Variants in MTNR1A observed in about 807,000 individuals in gnomAD.
The protein encoded by MTNR1A is melatonin receptor type 1A.
MTNR1A carries 7 observed loss-of-function variants against 5.5 expected under a neutral mutation model. The ratio of observed to expected loss-of-function variants is 1.28; its 90% CI spans 0.73 to 2.40. The LOEUF is 2.40. MTNR1A is among the 30% of genes most tolerant of loss of function. The pLI is 0.00. For missense variants in MTNR1A, 441 were observed against 464.4 expected (o/e 0.95, Z 0.46); for synonymous variants, 196 against 202.7 (o/e 0.97, Z 0.28).
At chr4:186,547,984 G>C (rs1422786060) in intron 1 of MTNR1A, among the ~76,000 whole-genome samples, 4 of 152,144 alleles carry the variant, frequency 2.6e-5, no homozygotes, top group African/African-American at 4.8e-5. Flanking sequence ...AGCCTGACTG[G>C]TTCAGCCTTT....
rs148793802 is a variant in MTNR1A at position 186,533,946 on chromosome 4, C to A, written c.796G>T (p.Ala266Ser). 3 of 1,613,996 alleles carry A rather than the reference C, an allele frequency of 1.9e-6. No individual in the cohort carries two copies. The highest frequency in any genetic ancestry group is 2.5e-6 in the Non-Finnish European group (3 of 1,180,030). Reference sequence around the variant, plus strand: ...TCTGGGATCCTAGGCACCATGCTGGCGGGGTCAGAGGCCACGGCCAGGCCA... The same window carrying A: ...TCTGGGATCCTAGGCACCATGCTGGAGGGGTCAGAGGCCACGGCCAGGCCA... Reference protein sequence around the residue: ...FIGLAVASDPASMVPRIPEWL... With the variant: ...FIGLAVASDPSSMVPRIPEWL... The change falls in exon 2 of 2, where the codon GCC becomes TCC. Residue 266 changes from alanine to serine, a missense_variant. By Grantham distance (99) the Ala-to-Ser change is moderately conservative. Coordinates refer to ENST00000307161, the MANE Select transcript of MTNR1A (RefSeq NM_005958.4).
At chr4:186,540,549 C>T (rs1380554156) in intron 1 of MTNR1A, among the ~76,000 whole-genome samples, 3 of 152,254 alleles carry the variant, frequency 2.0e-5, no homozygotes, top group Non-Finnish European at 4.4e-5. Context: ...CCTACTTGGC[C>T]TTGGTAGAGT....
At chr4:186,543,381 G>A (rs1560895938) in intron 1 of MTNR1A, among the ~76,000 whole-genome samples, 1 of 152,222 alleles carries the variant, frequency 6.6e-6, no homozygotes, top group Non-Finnish European at 1.5e-5. Context: ...AGAGTGTTAG[G>A]AATGAAGGCT....
chr4:186,535,213 G>A (rs181218199), intron 1 of MTNR1A, among the ~76,000 whole-genome samples: 22 of 152,146 alleles, frequency 1.4e-4, no homozygotes, highest in South Asian at 4.2e-4. Context: ...TGTGGTGAGC[G>A]CCATGTACCG....
intron 1 of MTNR1A, among the ~76,000 whole-genome samples, chr4:186,547,607 CCTCT>C (rs1025230861): frequency 6.6e-6 from 1 of 152,006 alleles, no homozygotes; most frequent in African/African-American, 2.4e-5. Context: ...CTGGCTCATT[CCTCT>C]CTCTCTCTAT....
At chr4:186,552,348 G>C (rs1365053355) in intron 1 of MTNR1A, among the ~76,000 whole-genome samples, 1 of 152,166 alleles carries the variant, frequency 6.6e-6, no homozygotes, top group African/African-American at 2.4e-5. Flanking sequence ...CTGTAGGTGA[G>C]AGCCTGTCAT....
intron 1 of MTNR1A, among the ~76,000 whole-genome samples, chr4:186,545,396 G>T (rs999005793): frequency 2.6e-5 from 4 of 152,060 alleles, no homozygotes; most frequent in African/African-American, 9.7e-5. Context: ...ACACACATTC[G>T]CACAGCCGTC....
intron 1 of MTNR1A, among the ~76,000 whole-genome samples, chr4:186,537,885 C>G (rs571619333): frequency 6.6e-6 from 1 of 152,350 alleles, no homozygotes; most frequent in African/African-American, 2.4e-5. Flanking sequence ...AGGAAAACAC[C>G]TAAGTCAGTA....
chr4:186,536,619 C>T (rs1736858866), intron 1 of MTNR1A, among the ~76,000 whole-genome samples: 1 of 152,140 alleles, frequency 6.6e-6, no homozygotes, highest in Non-Finnish European at 1.5e-5. Flanking sequence ...CTCATACACT[C>T]AATGAGTTCA....
At chr4:186,541,203 T>C (rs1737016917) in intron 1 of MTNR1A, among the ~76,000 whole-genome samples, 1 of 152,140 alleles carries the variant, frequency 6.6e-6, no homozygotes, top group Admixed American at 6.5e-5. Flanking sequence ...TGAAATTGGA[T>C]GGTTGCAGCA....
At chr4:186,535,054 C>T (rs537920945) in intron 1 of MTNR1A, among the ~76,000 whole-genome samples, 6 of 152,138 alleles carry the variant, frequency 3.9e-5, no homozygotes, top group Non-Finnish European at 8.8e-5. Context: ...TGTCGTCAGC[C>T]GTCTGGATGA....
intron 1 of MTNR1A, among the ~76,000 whole-genome samples, chr4:186,537,498 A>G (rs772440916): frequency 7.9e-5 from 12 of 152,236 alleles, no homozygotes; most frequent in Admixed American, 2.0e-4. Context: ...ATGTCTGTTC[A>G]TGGGTAAGAA....
In MTNR1A at chr4:186,555,482, CA is replaced by C; in HGVS notation, c.-118del. 1 of 831,492 alleles carries C rather than the reference CA, an allele frequency of 1.2e-6. No individual in the cohort carries two copies. Among genetic ancestry groups the C allele is most frequent in the Non-Finnish European group, 1.6e-6 (1 of 638,294 alleles). 51.5% of individuals were successfully genotyped at this position (831,492 alleles called of 1,614,324 possible). A position where few individuals can be genotyped will look rare whatever the true frequency, so the allele number is the denominator to read the frequency against. ...CCACGCCCCATCCCGCGCGCTCCTC[CA>C]CGCCGCGCCCCCGGACGCCCACGCC... is the stretch of plus-strand genomic sequence containing the variant. On this transcript the variant is annotated 5_prime_UTR_variant, in exon 1 of 2. Transcript: ENST00000307161. The surrounding 1 kb of genome is among the most constrained non-coding windows in gnomAD (Gnocchi z 4.1).
chr4:186,542,243 T>C (rs1380361496), intron 1 of MTNR1A, among the ~76,000 whole-genome samples: 1 of 152,162 alleles, frequency 6.6e-6, no homozygotes, highest in Non-Finnish European at 1.5e-5. Context: ...ACTTCCATCA[T>C]CAAAGGGAGC....
Position 186,534,120 on chromosome 4 carries a change from G to C in MTNR1A, c.622C>G (p.Leu208Val), listed in dbSNP as rs1229798843. The C allele has an allele frequency of 6.2e-7, 1 of 1,614,076 alleles. No individual in the cohort carries two copies. Among genetic ancestry groups the C allele is most frequent in the Admixed American group, 1.7e-5 (1 of 60,002 alleles). The change falls in exon 2 of 2, where the codon CTG (leucine) becomes GTG (valine). Residue 208 changes from leucine to valine, a missense_variant. Physicochemically the swap from Leu to Val is conservative, Grantham distance 32. Coordinates refer to ENST00000307161, the MANE Select transcript of MTNR1A (RefSeq NM_005958.4). ...TGGAGAACCAGGATCCATATTCTCAGGTAACAGAAGATGACTATGATCATG... is the reference window on the plus strand; with the variant it reads ...TGGAGAACCAGGATCCATATTCTCACGTAACAGAAGATGACTATGATCATG... Reference protein sequence around the residue: ...VPMIIVIFCYLRIWILVLQVR... With the variant: ...VPMIIVIFCYVRIWILVLQVR...
At position 186,555,204 on chromosome 4, in the gene MTNR1A, C is replaced by A; in HGVS notation, c.162G>T (p.Arg54=). The A allele has an allele frequency of 6.3e-7, 1 of 1,595,188 alleles. No homozygotes were observed. ...GNLLVILSVY[R]NKKLRNAGNI... is the part of the protein sequence containing the mutation. ...TACCTGCGTTCCTGAGCTTCTTGTT[C>A]CGATACACCGACAGGATGACCAGGA... is the stretch of plus-strand genomic sequence containing the variant. The change falls in exon 1 of 2, where the codon CGG becomes CGT. Residue 54 remains arginine, a synonymous_variant. Transcript: ENST00000307161. This position sits in a 1 kb window ranked among gnomAD's most constrained non-coding sequence, Gnocchi z 4.1.
chr4:186,547,359 CGTGGG>C (rs1737175278), intron 1 of MTNR1A, among the ~76,000 whole-genome samples: 1 of 149,514 alleles, frequency 6.7e-6, no homozygotes, highest in African/African-American at 2.5e-5. Flanking sequence ...ACACCCTGTT[CGTGGG>C]ACACACTGTC....
At chr4:186,548,837 A>ATATATG (rs1737209951) in intron 1 of MTNR1A, among the ~76,000 whole-genome samples, 1 of 100,480 alleles carries the variant, frequency 1.0e-5, no homozygotes, top group Non-Finnish European at 1.9e-5. Context: ...ATATATATAT[A>ATATATG]TATATATATA....
In MTNR1A at chr4:186,555,172, C is replaced by T. The variant is rs1419815255; in HGVS notation, c.184+10G>A. 26 of 1,587,144 alleles carry T rather than the reference C, an allele frequency of 1.6e-5. No homozygotes were observed. Among genetic ancestry groups the T allele is most frequent in the Non-Finnish European group, 8.6e-7 (1 of 1,167,520 alleles). Reference sequence around the variant, plus strand: ...GAGCGCTGGCCCAGGGGAGGCGGCGCGGGCCCTACCTGCGTTCCTGAGCTT... The same window carrying T: ...GAGCGCTGGCCCAGGGGAGGCGGCGTGGGCCCTACCTGCGTTCCTGAGCTT... On this transcript the variant is annotated intron_variant, in intron 1 of 1. Transcript: ENST00000307161. The surrounding 1 kb of genome is among the most constrained non-coding windows in gnomAD (Gnocchi z 4.1).
Sources: allele counts gnomAD v4.1 joint callset (sites outside exome capture counted in the v4.1 genomes callset), GRCh38; gene constraint gnomAD v4.1.1; non-coding constraint Gnocchi (gnomAD v3.1); transcripts MANE v1.5; gene names NCBI Gene and HGNC (gene_info 2026-07-23, HGNC 2026-07-21).